Variants in UNC5A observed in about 807,000 individuals in gnomAD.
The protein encoded by UNC5A is unc-5 netrin receptor A.
Under a neutral mutation model 87.4 loss-of-function variants are expected in UNC5A, and 20 were observed. That is an observed-to-expected ratio of 0.23 (90% CI 0.16 to 0.33). The LOEUF is 0.33. Ranked by LOEUF, UNC5A falls within the 10% of genes least tolerant of loss-of-function variation. The pLI, the probability that UNC5A is intolerant of heterozygous loss-of-function variation, is 1.00. For synonymous variants in UNC5A, 438 were observed against 482.3 expected, an observed-to-expected ratio of 0.91 and a Z score of 1.20; for missense variants, 844 against 1,133.4, an observed-to-expected ratio of 0.74 and a Z score of 3.67.
At chr5:176,860,322 G>A (rs892172293) in intron 1 of UNC5A, among the ~76,000 whole-genome samples, 2 of 152,244 alleles carry the variant, frequency 1.3e-5, no homozygotes, top group African/African-American at 4.8e-5. Context: ...CAGCTTGCCT[G>A]GGTGCATGTC....
Position 176,824,795 on chromosome 5 carries a change from T to C in UNC5A, c.70+13975T>C, listed in dbSNP as rs1321049740. ...GCACCCCCACCACCTGTGTGCCCCC[T>C]GCTCTGTGTACCCCCTACCTTGTGT... On this transcript the variant is annotated intron_variant, in intron 1 of 14. Coordinates refer to ENST00000329542, the MANE Select transcript of UNC5A (RefSeq NM_133369.3). The surrounding 1 kb of genome is among the most constrained non-coding windows in gnomAD (Gnocchi z 4.2). Among the ~76,000 whole-genome samples the C allele has an allele frequency of 1.2e-5, 1 of 84,786 alleles. No individual in the cohort carries two copies. Among genetic ancestry groups the C allele is most frequent in the African/African-American group, 4.8e-5 (1 of 20,972 alleles). The allele number at this position is 84,786 out of a possible 152,430, so 55.6% of individuals were successfully genotyped here. A position where few individuals can be genotyped will look rare whatever the true frequency, so the allele number is the denominator to read the frequency against.
chr5:176,840,195 C>T (rs926909226), intron 1 of UNC5A, among the ~76,000 whole-genome samples: 3 of 152,144 alleles, frequency 2.0e-5, no homozygotes, highest in African/African-American at 7.2e-5. Flanking sequence ...GCCTTGCTGG[C>T]GTTGGCCCAG....
chr5:176,818,677 T>C (rs1756654784), intron 1 of UNC5A, among the ~76,000 whole-genome samples: 1 of 152,156 alleles, frequency 6.6e-6, no homozygotes, highest in Non-Finnish European at 1.5e-5. Flanking sequence ...ACACCCACCT[T>C]GTGGGCTCTC....
intron 1 of UNC5A, among the ~76,000 whole-genome samples, chr5:176,816,270 G>A (rs1049875220): frequency 6.6e-6 from 1 of 152,264 alleles, no homozygotes; most frequent in African/African-American, 2.4e-5. Context: ...GTGGCTGCTG[G>A]GGCAGAGCCA....
rs1267712861 is a variant in UNC5A at position 176,879,715 on chromosome 5, C to T, written c.2364-6C>T. On this transcript the variant is annotated splice_region_variant and splice_polypyrimidine_tract_variant and intron_variant, in intron 14 of 14. Coordinates refer to ENST00000329542, the MANE Select transcript of UNC5A (RefSeq NM_133369.3). ...AGGCTGCTGACGGCCCCCCTCCCCT[C>T]CACAGCCATCTCAGCTTCTTTGCCT... 1.2e-5 allele frequency: 19 copies of T among 1,611,860 alleles called. No homozygotes were observed. The highest frequency in any genetic ancestry group is 1.8e-4 in the Middle Eastern group (1 of 5,658).
chr5:176,845,113 A>T (rs1757372761), intron 1 of UNC5A, among the ~76,000 whole-genome samples: 2 of 152,058 alleles, frequency 1.3e-5, no homozygotes, highest in South Asian at 4.1e-4. Context: ...CCTCCCCGCC[A>T]GGAGAGTCAC....
In UNC5A at chr5:176,869,749, T is replaced by C; in HGVS notation, c.722-621T>C. 1 of 629,810 alleles carries C rather than the reference T, an allele frequency of 1.6e-6. No homozygotes were observed. The highest frequency in any genetic ancestry group is 2.9e-6 in the Non-Finnish European group (1 of 343,278). The allele number at this position is 629,810 out of a possible 1,614,324, so 39.0% of individuals were successfully genotyped here. On this transcript the variant is annotated intron_variant, in intron 5 of 14. Coordinates refer to ENST00000329542, the MANE Select transcript of UNC5A (RefSeq NM_133369.3). This position sits in a 1 kb window ranked among gnomAD's most constrained non-coding sequence, Gnocchi z 9.1. ...GGCGCTTTCTGTGAGGGGCAGAATG[T>C]CCAGAAAACAGCCTGCGCCACCCTG...
In UNC5A at chr5:176,868,832, A is replaced by ATGATGTATAC. The variant is rs1432563034; in HGVS notation, c.589_590insTGATGTATAC (p.Asn197MetfsTer22). On this transcript the variant is annotated frameshift_variant, in exon 5 of 15. Transcript: ENST00000329542. LOFTEE classifies it high-confidence loss of function. ...CCTGGTGGACCCGTCCCTGGACCCC[A>ATGATGTATAC]ATGTATACATCACGCGGGAGCACAG... 1 of 1,612,266 alleles carries ATGATGTATAC rather than the reference A, an allele frequency of 6.2e-7. No homozygotes were observed. The highest frequency in any genetic ancestry group is 8.5e-7 in the Non-Finnish European group (1 of 1,179,384).
At chr5:176,823,912 T>C (rs577809307) in intron 1 of UNC5A, among the ~76,000 whole-genome samples, 10 of 152,312 alleles carry the variant, frequency 6.6e-5, no homozygotes, top group African/African-American at 2.2e-4. Flanking sequence ...GCTGAAATAC[T>C]TTCTCAGGGC....
At chr5:176,868,478 C>A in intron 3 of UNC5A, 83 bp from the exon 4 acceptor site, 1 of 1,487,050 alleles carries the variant, frequency 6.7e-7, no homozygotes, top group Admixed American at 2.1e-5. Flanking sequence ...GTGCCACGGC[C>A]CCTGCAGGAC....
At chr5:176,879,228 G>A in intron 13 of UNC5A, 82 bp from the exon 14 acceptor site, 1 of 1,472,504 alleles carries the variant, frequency 6.8e-7, no homozygotes, top group Non-Finnish European at 9.1e-7. Flanking sequence ...GGGGGAGTCT[G>A]GGAGCTCCCC....
At chr5:176,826,120 A>G (rs970141765) in intron 1 of UNC5A, among the ~76,000 whole-genome samples, 4 of 152,212 alleles carry the variant, frequency 2.6e-5, no homozygotes, top group Non-Finnish European at 5.9e-5. Flanking sequence ...TCATTTATAC[A>G]TGCATAGAAG....
intron 1 of UNC5A, among the ~76,000 whole-genome samples, chr5:176,822,796 A>G (rs1480194997): frequency 1.3e-5 from 2 of 152,084 alleles, no homozygotes; most frequent in African/African-American, 2.4e-5. Flanking sequence ...TGGCCAGACA[A>G]TGAGGGGAGG....
chr5:176,833,951 G>A (rs1028866674), intron 1 of UNC5A, among the ~76,000 whole-genome samples: 6 of 151,768 alleles, frequency 4.0e-5, no homozygotes, highest in East Asian at 3.9e-4. Flanking sequence ...TGATCTGCCC[G>A]CCTCGGCCTC....
At chr5:176,828,470 G>A (rs1362095204) in intron 1 of UNC5A, among the ~76,000 whole-genome samples, 1 of 151,970 alleles carries the variant, frequency 6.6e-6, no homozygotes, top group Admixed American at 6.6e-5. Context: ...TAGGAATCAG[G>A]GGACCCAAGA....
intron 8 of UNC5A, among the ~76,000 whole-genome samples, chr5:176,876,060 G>A (rs1325741064): frequency 2.6e-5 from 4 of 152,258 alleles, no homozygotes; most frequent in African/African-American, 9.6e-5. Flanking sequence ...ATCCTGTGCT[G>A]TGGTTGACTT....
intron 1 of UNC5A, among the ~76,000 whole-genome samples, chr5:176,812,517 C>T (rs984118480): frequency 2.3e-4 from 35 of 152,278 alleles, no homozygotes; most frequent in African/African-American, 7.5e-4. Context: ...ACGTGTGTGA[C>T]GGCTGTGTGC....
At chr5:176,831,088 C>A (rs1581249385) in intron 1 of UNC5A, among the ~76,000 whole-genome samples, 1 of 152,024 alleles carries the variant, frequency 6.6e-6, no homozygotes, top group South Asian at 2.1e-4. Context: ...CCACCCCCCA[C>A]CTCCGTGCCT....
chr5:176,843,747 C>T (rs1008102901), intron 1 of UNC5A, among the ~76,000 whole-genome samples: 1 of 152,238 alleles, frequency 6.6e-6, no homozygotes, highest in Admixed American at 6.5e-5. Context: ...GCCCTGGAGC[C>T]CCCCTGCTCA....
Sources: allele counts gnomAD v4.1 joint callset (sites outside exome capture counted in the v4.1 genomes callset), GRCh38; gene constraint gnomAD v4.1.1; non-coding constraint Gnocchi (gnomAD v3.1); transcripts MANE v1.5; gene names NCBI Gene and HGNC (gene_info 2026-07-23, HGNC 2026-07-21).